CSMD1: variants seen among roughly 807,000 people sequenced by gnomAD.
CSMD1 encodes CUB and sushi domain-containing protein 1.
Under a neutral mutation model 417.5 loss-of-function variants are expected in CSMD1, and 213 were observed. The observed-to-expected ratio is 0.51, with a 90% CI of 0.46 to 0.57. CSMD1 has a LOEUF of 0.57. Among genes scored for constraint, CSMD1 ranks in the 20% least tolerant of loss-of-function variants. The pLI, the probability that CSMD1 is intolerant of heterozygous loss-of-function variation, is 0.00. For missense variants in CSMD1, 6,923 were observed against 4,529.7 expected (o/e 1.53, Z -15.17); for synonymous variants, 2,862 against 1,736.8 (o/e 1.65, Z -16.11).
In CSMD1 at chr8:4,360,972, C is replaced by T. The variant is rs1563093412; in HGVS notation, c.415+58981G>A. On this transcript the variant is annotated intron_variant, in intron 3 of 69. Coordinates refer to ENST00000635120, the MANE Select transcript of CSMD1 (RefSeq NM_033225.6). ...TGGGACTTGAGGAATACTTGACTGA[C>T]AGTAGATATTTGACTAATATTTGAA... Among the ~76,000 whole-genome samples the T allele has an allele frequency of 2.6e-5, 4 of 152,088 alleles. No individual in the cohort carries two copies. The South Asian group carries it at 8.3e-4, about 32-fold the overall frequency.
chr8:4,526,515 A>G (rs1443684174), intron 2 of CSMD1, among the ~76,000 whole-genome samples: 1 of 152,244 alleles, frequency 6.6e-6, no homozygotes, highest in East Asian at 1.9e-4. Context: ...CATGAAAAAG[A>G]CAGTGGAAAC....
At position 4,824,163 on chromosome 8, in the gene CSMD1, A is replaced by C. The variant is rs547904209; in HGVS notation, c.85+170169T>G. ...AAATGGGGAAAAACAATTGATGCCT[A>C]TATATATTTTTGGACAAAGTAGTTT... On this transcript the variant is annotated intron_variant, in intron 1 of 69. Coordinates refer to ENST00000635120, the MANE Select transcript of CSMD1 (RefSeq NM_033225.6). 1.1e-4 allele frequency among the ~76,000 whole-genome samples: 17 copies of C among 151,924 alleles called. No homozygotes were observed. The South Asian group carries it at 2.9e-3, about 26-fold the overall frequency.
At chr8:3,732,290 A>C (rs891546221) in intron 6 of CSMD1, among the ~76,000 whole-genome samples, 3 of 152,176 alleles carry the variant, frequency 2.0e-5, no homozygotes, top group African/African-American at 7.2e-5. Flanking sequence ...AAGGCTTAAA[A>C]TCTTTCCGCT....
At chr8:3,787,484 C>CA (rs1003641746) in intron 5 of CSMD1, among the ~76,000 whole-genome samples, 11 of 151,918 alleles carry the variant, frequency 7.2e-5, no homozygotes, top group East Asian at 5.8e-4. Flanking sequence ...AGTGATTAAT[C>CA]AAAAAAATGA....
chr8:3,384,386 G>T (rs1344266359), intron 18 of CSMD1, among the ~76,000 whole-genome samples: 2 of 151,620 alleles, frequency 1.3e-5, no homozygotes, highest in Non-Finnish European at 2.9e-5. Context: ...TCTACAAAAT[G>T]GAATAATTAT....
intron 10 of CSMD1, among the ~76,000 whole-genome samples, chr8:3,510,308 C>T (rs141392723): frequency 5.9e-5 from 9 of 151,886 alleles, no homozygotes; most frequent in African/African-American, 2.2e-4. Context: ...CTCTGTCTTC[C>T]CATTCCCGTC....
chr8:4,913,708 C>G lies in CSMD1; in HGVS notation c.85+80624G>C, dbSNP rs779521915. ...CATGCTTTTCCTGACTACAATTAAT[C>G]TTAGGAAGAACCATTGACAAATCTG... On this transcript the variant is annotated intron_variant, in intron 1 of 69. Transcript: ENST00000635120. Among the ~76,000 whole-genome samples the G allele has an allele frequency of 1.1e-4, 16 of 152,250 alleles. No homozygotes were observed. The South Asian group carries it at 2.5e-3, about 24-fold the overall frequency.
chr8:4,181,584 G>A (rs889098332), intron 3 of CSMD1, among the ~76,000 whole-genome samples: 1 of 152,066 alleles, frequency 6.6e-6, no homozygotes, highest in Non-Finnish European at 1.5e-5. Flanking sequence ...CTGGGCCACA[G>A]GATGGAAAAG....
intron 42 of CSMD1, among the ~76,000 whole-genome samples, chr8:3,112,446 G>A (rs1176914823): frequency 2.0e-5 from 3 of 152,174 alleles, no homozygotes; most frequent in African/African-American, 7.2e-5. Flanking sequence ...AAGGGCAAAA[G>A]AAATGAGGTG....
rs1162857302 is a variant in CSMD1, at chr8:3,394,000, TAAAAA to T, written c.2593+2189_2593+2193del. Reference sequence around the variant, plus strand: ...ACTTAACGTATAATAATAATAATAATAAAAAAATAAATTATATATATATATATATA... The same window carrying T: ...ACTTAACGTATAATAATAATAATAATAATAAATTATATATATATATATATA... On this transcript the variant is annotated intron_variant, in intron 17 of 69. Transcript: ENST00000635120. 4.5e-3 allele frequency among the ~76,000 whole-genome samples: 132 copies of T among 29,416 alleles called. 6 individuals carry two copies. The highest frequency in any genetic ancestry group is 0.012 in the South Asian group (7 of 600). The allele number at this position is 29,416 out of a possible 152,430, so 19.3% of individuals were successfully genotyped here. A position where few individuals can be genotyped will look rare whatever the true frequency, so the allele number is the denominator to read the frequency against.
intron 25 of CSMD1, among the ~76,000 whole-genome samples, chr8:3,293,268 T>A (rs985388124): frequency 1.3e-5 from 2 of 152,222 alleles, no homozygotes; most frequent in Admixed American, 1.3e-4. Context: ...ATTTTTTCCT[T>A]CATTTCAACT....
At chr8:4,048,330 A>C (rs1478553036) in intron 3 of CSMD1, among the ~76,000 whole-genome samples, 2 of 152,188 alleles carry the variant, frequency 1.3e-5, no homozygotes, top group African/African-American at 4.8e-5. Flanking sequence ...TCTTTCATTT[A>C]TTCAATAACT....
chr8:4,032,508 G>C, intron 3 of CSMD1, among the ~76,000 whole-genome samples: 1 of 152,086 alleles, frequency 6.6e-6, no homozygotes. Flanking sequence ...CTGCAAGAGT[G>C]AATACTCATA....
intron 3 of CSMD1, among the ~76,000 whole-genome samples, chr8:4,397,438 G>A (rs925915302): frequency 1.3e-5 from 2 of 148,890 alleles, no homozygotes; most frequent in Admixed American, 6.7e-5. Flanking sequence ...TGGAAATGAA[G>A]AAAGCTTCGG....
chr8:3,086,719 G>C (rs554516699), intron 49 of CSMD1, among the ~76,000 whole-genome samples: 1 of 152,236 alleles, frequency 6.6e-6, no homozygotes, highest in Non-Finnish European at 1.5e-5. Context: ...AGGGCTCAAA[G>C]AATGAGTTTT....
intron 8 of CSMD1, among the ~76,000 whole-genome samples, chr8:3,606,646 A>T (rs1303957690): frequency 6.6e-6 from 1 of 151,884 alleles, no homozygotes; most frequent in Non-Finnish European, 1.5e-5. Context: ...CTATAAATTT[A>T]TTAATGCTTT....
At chr8:4,066,849 G>C (rs1042106236) in intron 3 of CSMD1, among the ~76,000 whole-genome samples, 3 of 152,216 alleles carry the variant, frequency 2.0e-5, no homozygotes, top group Admixed American at 6.5e-5. Flanking sequence ...ACACACAGTA[G>C]CCTTGATCAC....
At position 4,398,385 on chromosome 8, in the gene CSMD1, C is replaced by CTTTTTTTTTTTTTTTTTTTTTTTTTTT. The variant is rs1317009143; in HGVS notation, c.415+21567_415+21568insAAAAAAAAAAAAAAAAAAAAAAAAAAA. Among the ~76,000 whole-genome samples the CTTTTTTTTTTTTTTTTTTTTTTTTTTT allele has an allele frequency of 2.5e-5, 3 of 118,134 alleles. 1 individual carries two copies. The highest frequency in any genetic ancestry group is 5.1e-5 in the Non-Finnish European group (3 of 59,030). The allele number at this position is 118,134 out of a possible 152,430, so 77.5% of individuals were successfully genotyped here. Reference sequence around the variant, plus strand: ...CTCTTTTTAAATTGTCTTGCTGCAACTTCTTTTTTTTTTTTTTTTTTTTGT... The same window carrying CTTTTTTTTTTTTTTTTTTTTTTTTTTT: ...CTCTTTTTAAATTGTCTTGCTGCAACTTTTTTTTTTTTTTTTTTTTTTTTTTTTTCTTTTTTTTTTTTTTTTTTTTGT... On this transcript the variant is annotated intron_variant, in intron 3 of 69. Coordinates refer to ENST00000635120, the MANE Select transcript of CSMD1 (RefSeq NM_033225.6).
intron 49 of CSMD1, among the ~76,000 whole-genome samples, chr8:3,074,206 C>T (rs185496705): frequency 1.3e-5 from 2 of 152,318 alleles, no homozygotes; most frequent in East Asian, 3.9e-4. Context: ...TCTTCATCTT[C>T]CAAGACAGCT....
Sources: gnomAD v4.1 joint callset for allele counts (sites outside exome capture counted in the v4.1 genomes callset) on GRCh38, gnomAD v4.1.1 for gene constraint, MANE v1.5 for transcripts, NCBI Gene and HGNC (gene_info 2026-07-23, HGNC 2026-07-21) for gene names.